The following FGF10 variants were observed in gnomAD, a reference collection of about 807,000 sequenced individuals.
FGF10 encodes fibroblast growth factor 10.
Under a neutral mutation model 19.8 loss-of-function variants are expected in FGF10, and 2 were observed. The ratio of observed to expected loss-of-function variants is 0.10; its 90% confidence interval spans 0.04 to 0.32. The LOEUF (loss-of-function observed/expected upper bound fraction) is 0.32, where lower values mean the gene tolerates loss of function less well. Ranked by LOEUF, FGF10 falls within the 10% of genes least tolerant of loss-of-function variation. The pLI, the probability that FGF10 is intolerant of heterozygous loss-of-function variation, is 1.00. For synonymous variants in FGF10, 112 were observed against 94.0 expected, an observed-to-expected ratio of 1.19 and a Z score of -1.10; for missense variants, 191 against 246.3, an observed-to-expected ratio of 0.78 and a Z score of 1.50.
At chr5:44,356,469 A>T (rs1343576558) in intron 1 of FGF10, among the ~76,000 whole-genome samples, 1 of 151,450 alleles carries the variant, frequency 6.6e-6, no homozygotes, top group East Asian at 1.9e-4. Flanking sequence ...AAAACACTAG[A>T]CAACATTTGG....
intron 1 of FGF10, among the ~76,000 whole-genome samples, chr5:44,319,937 C>T (rs187954649): frequency 3.3e-5 from 5 of 152,100 alleles, no homozygotes; most frequent in Non-Finnish European, 5.9e-5. Context: ...GAGTGAAGCT[C>T]CATCTGTATT....
intron 1 of FGF10, among the ~76,000 whole-genome samples, chr5:44,333,204 T>A (rs1362549135): frequency 6.6e-6 from 1 of 152,186 alleles, no homozygotes; most frequent in African/African-American, 2.4e-5. Context: ...GAGAAAATAC[T>A]CACTACTTTT....
rs1411728928 is a variant in FGF10 at position 44,388,870 on chromosome 5, C to T, written c.-188G>A. 3 of 666,048 alleles carry T rather than the reference C, an allele frequency of 4.5e-6. No homozygotes were observed. Among genetic ancestry groups the T allele is most frequent in the Non-Finnish European group, 8.2e-6 (3 of 366,658 alleles). 41.3% of individuals were successfully genotyped at this position (666,048 alleles called of 1,614,324 possible). ...CTCGGAAAAGCCGGCTGACTCCCCT[C>T]GCTCCTTTCTCGGATCCGCTGCCTA... is the stretch of plus-strand genomic sequence containing the variant. On this transcript the variant is annotated 5_prime_UTR_variant, in exon 1 of 3. Coordinates refer to ENST00000264664, the MANE Select transcript of FGF10 (RefSeq NM_004465.2).
intron 1 of FGF10, among the ~76,000 whole-genome samples, chr5:44,351,916 G>C (rs1741242394): frequency 6.6e-6 from 1 of 151,502 alleles, no homozygotes; most frequent in South Asian, 2.1e-4. Flanking sequence ...TTACGTTTAA[G>C]GTCTGGATTT....
At chr5:44,376,518 C>CAAAAAAAAAAAAAAAA (rs1265124775) in intron 1 of FGF10, among the ~76,000 whole-genome samples, 3 of 72,694 alleles carry the variant, frequency 4.1e-5, no homozygotes, top group Admixed American at 1.8e-4. Context: ...AAAAAAAAAA[C>CAAAAAAAAAAAAAAAA]AAAAAACCCA....
chr5:44,338,051 T>C (rs1740892733), intron 1 of FGF10, among the ~76,000 whole-genome samples: 1 of 152,186 alleles, frequency 6.6e-6, no homozygotes, highest in South Asian at 2.1e-4. Flanking sequence ...AACATGTAAT[T>C]ATTATGTTTC....
At chr5:44,325,781 T>C (rs932596198) in intron 1 of FGF10, among the ~76,000 whole-genome samples, 2 of 151,660 alleles carry the variant, frequency 1.3e-5, no homozygotes, top group African/African-American at 4.8e-5. Context: ...AAATGACGAG[T>C]TAATGGGTGC....
chr5:44,324,808 C>A (rs1360205730), intron 1 of FGF10, among the ~76,000 whole-genome samples: 1 of 152,134 alleles, frequency 6.6e-6, no homozygotes, highest in African/African-American at 2.4e-5. Flanking sequence ...AAGTGGTTGA[C>A]TTTTTCAAGT....
At chr5:44,352,970 T>C (rs1579926806) in intron 1 of FGF10, among the ~76,000 whole-genome samples, 1 of 151,750 alleles carries the variant, frequency 6.6e-6, no homozygotes, top group East Asian at 1.9e-4. Flanking sequence ...GATACGTTCT[T>C]AGAGAAAATG....
chr5:44,357,532 G>A (rs1277633011), intron 1 of FGF10, among the ~76,000 whole-genome samples: 2 of 151,414 alleles, frequency 1.3e-5, no homozygotes, highest in African/African-American at 2.4e-5. Flanking sequence ...CTTGAGTGAG[G>A]TACAATTAGT....
chr5:44,338,018 T>C (rs974206132), intron 1 of FGF10, among the ~76,000 whole-genome samples: 3 of 152,172 alleles, frequency 2.0e-5, no homozygotes, highest in Non-Finnish European at 4.4e-5. Flanking sequence ...AATAAATGTA[T>C]GTATTAAATA....
rs181557347 is a variant in FGF10, at chr5:44,306,328, C to T, written c.430-1136G>A. Reference sequence around the variant, plus strand: ...AGGAGAGTAGTTTGAAGCTGGGATGCGGAGGTTGCAGTGAGCCGAGATCAT... The same window carrying T: ...AGGAGAGTAGTTTGAAGCTGGGATGTGGAGGTTGCAGTGAGCCGAGATCAT... On this transcript the variant is annotated intron_variant, in intron 2 of 2. Coordinates refer to ENST00000264664, the MANE Select transcript of FGF10 (RefSeq NM_004465.2). 7.9e-5 allele frequency among the ~76,000 whole-genome samples: 12 copies of T among 152,162 alleles called. No individual in the cohort carries two copies. In the East Asian group the frequency reaches 2.1e-3, roughly 27 times the overall value.
intron 1 of FGF10, among the ~76,000 whole-genome samples, chr5:44,328,980 G>C (rs1001980726): frequency 6.6e-6 from 1 of 152,112 alleles, no homozygotes; most frequent in African/African-American, 2.4e-5. Flanking sequence ...CTAGGTGACA[G>C]AGTGAGACTC....
rs557920991 is a variant in FGF10, at chr5:44,348,701, A to G, written c.326-38171T>C. Among the ~76,000 whole-genome samples, 120 of 151,704 alleles carry G rather than the reference A, an allele frequency of 7.9e-4. 1 individual carries two copies. Among genetic ancestry groups the G allele is most frequent in the Admixed American group, 3.2e-3 (48 of 15,158 alleles). On this transcript the variant is annotated intron_variant, in intron 1 of 2. Coordinates refer to ENST00000264664, the MANE Select transcript of FGF10 (RefSeq NM_004465.2). Reference sequence around the variant, plus strand: ...TTTTTATTTTAAGTGTATTTATATTACATGCAATATTTTGGACATATTTAT... The same window carrying G: ...TTTTTATTTTAAGTGTATTTATATTGCATGCAATATTTTGGACATATTTAT...
At chr5:44,347,036 G>A (rs1039112325) in intron 1 of FGF10, among the ~76,000 whole-genome samples, 5 of 151,690 alleles carry the variant, frequency 3.3e-5, no homozygotes, top group African/African-American at 1.2e-4. Context: ...TAATCACCAT[G>A]AGGGTGGGGA....
At chr5:44,309,154 G>A (rs187412819) in intron 2 of FGF10, among the ~76,000 whole-genome samples, 2 of 152,092 alleles carry the variant, frequency 1.3e-5, no homozygotes, top group Non-Finnish European at 2.9e-5. Flanking sequence ...AAAGATTTGT[G>A]TCACAGGTTT....
At position 44,301,955 on chromosome 5, in the gene FGF10, T is replaced by A. The variant is rs1369459785; in HGVS notation, c.*3040A>T. Among the ~76,000 whole-genome samples the A allele has an allele frequency of 6.6e-6, 1 of 152,166 alleles. No individual in the cohort carries two copies. Among genetic ancestry groups the A allele is most frequent in the Non-Finnish European group, 1.5e-5 (1 of 68,030 alleles). On this transcript the variant is annotated 3_prime_UTR_variant, in exon 3 of 3. Transcript: ENST00000264664. ...GTTAGGAGGAGGGAGTGATTCTATA[T>A]CTTTATGAGGAGTATTCTCAGAACC...
At chr5:44,373,282 G>A (rs780437927) in intron 1 of FGF10, among the ~76,000 whole-genome samples, 3 of 152,098 alleles carry the variant, frequency 2.0e-5, no homozygotes, top group Non-Finnish European at 2.9e-5. Flanking sequence ...CTATCATAAG[G>A]TTGTCTAGTC....
chr5:44,331,091 G>T (rs975595332), intron 1 of FGF10, among the ~76,000 whole-genome samples: 1 of 152,104 alleles, frequency 6.6e-6, no homozygotes, highest in African/African-American at 2.4e-5. Context: ...AGAGACAAAT[G>T]AGAAGTGCTT....
Sources: allele counts gnomAD v4.1 joint callset (sites outside exome capture counted in the v4.1 genomes callset), GRCh38; gene constraint gnomAD v4.1.1; transcripts MANE v1.5; gene names NCBI Gene and HGNC (gene_info 2026-07-23, HGNC 2026-07-21).